The following PAWR variants were observed in gnomAD, a reference collection of about 807,000 sequenced individuals.
PAWR encodes pro-apoptotic WT1 regulator.
In PAWR, 23 loss-of-function variants were observed where a neutral mutation model predicts 32.0. The observed-to-expected ratio is 0.72, with a 90% CI of 0.52 to 1.02. The LOEUF (loss-of-function observed/expected upper bound fraction) is 1.02, where lower values mean the gene tolerates loss of function less well. Among genes scored for constraint, PAWR ranks in the 50% least tolerant of loss-of-function variants. PAWR has a pLI of 0.00. For missense variants in PAWR, 457 were observed against 437.7 expected (o/e 1.04, Z -0.39); for synonymous variants, 226 against 187.1 (o/e 1.21, Z -1.70).
intron 2 of PAWR, among the ~76,000 whole-genome samples, chr12:79,688,095 T>C (rs914404595): frequency 3.9e-5 from 6 of 152,116 alleles, no homozygotes; most frequent in Non-Finnish European, 7.4e-5. Context: ...TTAGACTCCA[T>C]TGTAGTGGGA....
intron 2 of PAWR, among the ~76,000 whole-genome samples, chr12:79,652,483 C>T (rs1405768897): frequency 6.6e-6 from 1 of 152,108 alleles, no homozygotes; most frequent in Non-Finnish European, 1.5e-5. Flanking sequence ...ACTTTTAAAG[C>T]TTTATTGTGA....
In PAWR at chr12:79,613,502, GT is replaced by G. The variant is rs147490574; in HGVS notation, c.683+72del. On this transcript the variant is annotated intron_variant, in intron 4 of 6. Coordinates refer to ENST00000328827, the MANE Select transcript of PAWR (RefSeq NM_002583.4). Reference sequence around the variant, plus strand: ...ACTTTTCAAAAAGCTGCTTTAAATAGTTCTAGTTAAGTCAATGTCAGACAGA... The same window carrying G: ...ACTTTTCAAAAAGCTGCTTTAAATAGTCTAGTTAAGTCAATGTCAGACAGA... The G allele has an allele frequency of 2.4e-4, 178 of 745,820 alleles. 1 individual carries two copies. The East Asian group carries it at 4.7e-3, about 20-fold the overall frequency. The allele number at this position is 745,820 out of a possible 1,614,324, so 46.2% of individuals were successfully genotyped here. A position where few individuals can be genotyped will look rare whatever the true frequency, so the allele number is the denominator to read the frequency against.
rs1213186510 is a variant in PAWR at position 79,608,036 on chromosome 12, C to G, written c.683+5539G>C. On this transcript the variant is annotated intron_variant, in intron 4 of 6. Transcript: ENST00000328827. ...TGCACTCCAGCCTGGGCGACAAGAG[C>G]AAAACTCGGACTCAAAAAAAAAAAA... Among the ~76,000 whole-genome samples, 3 of 131,842 alleles carry G rather than the reference C, an allele frequency of 2.3e-5. No individual in the cohort carries two copies. In the Admixed American group the frequency reaches 2.4e-4, roughly 10 times the overall value. 86.5% of individuals were successfully genotyped at this position (131,842 alleles called of 152,430 possible). A position where few individuals can be genotyped will look rare whatever the true frequency, so the allele number is the denominator to read the frequency against.
At chr12:79,627,964 A>C (rs1257108154) in intron 2 of PAWR, among the ~76,000 whole-genome samples, 3 of 152,186 alleles carry the variant, frequency 2.0e-5, no homozygotes, top group African/African-American at 7.2e-5. Context: ...GACCTAATAG[A>C]CATCTACAGA....
At chr12:79,666,338 A>ATTTCTCTATATAAAATATTC (rs1405550466) in intron 2 of PAWR, among the ~76,000 whole-genome samples, 4 of 152,236 alleles carry the variant, frequency 2.6e-5, no homozygotes, top group Non-Finnish European at 5.9e-5. Context: ...ATGAAAGGAA[A>ATTTCTCTATATAAAATATTC]TTTCTCTATA....
chr12:79,608,386 C>T (rs1435223497), intron 4 of PAWR, among the ~76,000 whole-genome samples: 1 of 152,132 alleles, frequency 6.6e-6, no homozygotes, highest in Non-Finnish European at 1.5e-5. Flanking sequence ...GAGCATGTAA[C>T]CTAGGTCCCT....
rs1873593653 is a variant in PAWR at position 79,592,592 on chromosome 12, T to C, written c.*15A>G. 1 of 753,472 alleles carries C rather than the reference T, an allele frequency of 1.3e-6. No individual in the cohort carries two copies. The highest frequency in any genetic ancestry group is 1.7e-5 in the African/African-American group (1 of 57,214). The allele number at this position is 753,472 out of a possible 1,614,324, so 46.7% of individuals were successfully genotyped here. On this transcript the variant is annotated 3_prime_UTR_variant, in exon 7 of 7. Transcript: ENST00000328827. ...GTAGTTTAAAATATTTTTTCCACATTGAGTCTTGAATCCTCTACCTGGTCA... is the reference window on the plus strand; with the variant it reads ...GTAGTTTAAAATATTTTTTCCACATCGAGTCTTGAATCCTCTACCTGGTCA...
At chr12:79,636,024 G>A (rs980392956) in intron 2 of PAWR, among the ~76,000 whole-genome samples, 2 of 152,104 alleles carry the variant, frequency 1.3e-5, no homozygotes, top group Admixed American at 6.6e-5. Context: ...GCCAATCATA[G>A]TATTTCTTGA....
intron 2 of PAWR, among the ~76,000 whole-genome samples, chr12:79,638,536 C>G (rs1036309957): frequency 5.3e-5 from 8 of 151,918 alleles, no homozygotes; most frequent in Non-Finnish European, 1.0e-4. Context: ...TTTTTACTAT[C>G]TCATTTTTAA....
chr12:79,679,622 C>A (rs146953075), intron 2 of PAWR, among the ~76,000 whole-genome samples: 1,662 of 152,206 alleles, frequency 0.011, 19 homozygotes, highest in African/African-American at 0.038. Context: ...AAAATAAAAT[C>A]CCTGATACGG....
At position 79,690,060 on chromosome 12, in the gene PAWR, G is replaced by C. The variant is rs895520781; in HGVS notation, c.185C>G (p.Ala62Gly). 14 of 1,366,706 alleles carry C rather than the reference G, an allele frequency of 1.0e-5. No individual in the cohort carries two copies. In the Admixed American group the frequency reaches 3.6e-4, roughly 35 times the overall value. The allele number at this position is 1,366,706 out of a possible 1,614,324, so 84.7% of individuals were successfully genotyped here. The change falls in exon 2 of 7, where the codon GCG (alanine) becomes GGG (glycine). Residue 62 changes from alanine (A) to glycine (G), a missense_variant. Transcript: ENST00000328827. ...GTTGAGCTCGTTGGCAGCGGCGGCC[G>C]CCGGGGTGCCCAGAGCCCCCGCGGG... ...KPPAGALGTP[A>G]AAAANELNNN... is the part of the protein sequence containing the mutation.
chr12:79,654,795 C>G (rs186362385), intron 2 of PAWR, among the ~76,000 whole-genome samples: 5 of 152,074 alleles, frequency 3.3e-5, no homozygotes, highest in African/African-American at 7.2e-5. Flanking sequence ...TTCACTATCA[C>G]GAGAACAACA....
In PAWR at chr12:79,660,668, C is replaced by G. The variant is rs536973605; in HGVS notation, c.516+29061G>C. On this transcript the variant is annotated intron_variant, in intron 2 of 6. Transcript: ENST00000328827. ...GCACAATCTTGGCTCACTGCAACCTCTGCCTCCCGGGTTCAAGTGATTCTC... is the reference window on the plus strand; with the variant it reads ...GCACAATCTTGGCTCACTGCAACCTGTGCCTCCCGGGTTCAAGTGATTCTC... Among the ~76,000 whole-genome samples the G allele has an allele frequency of 2.0e-5, 3 of 150,812 alleles. No individual in the cohort carries two copies. The South Asian group carries it at 6.3e-4, about 32-fold the overall frequency.
At chr12:79,683,292 A>AT (rs1232171186) in intron 2 of PAWR, among the ~76,000 whole-genome samples, 2 of 152,240 alleles carry the variant, frequency 1.3e-5, no homozygotes, top group East Asian at 3.8e-4. Context: ...TTTTTATAAC[A>AT]TTTTCACAAA....
At chr12:79,686,788 C>T (rs1441994089) in intron 2 of PAWR, among the ~76,000 whole-genome samples, 3 of 152,296 alleles carry the variant, frequency 2.0e-5, no homozygotes, top group Admixed American at 6.5e-5. Flanking sequence ...ATCATCTCCC[C>T]CTTTTAAACA....
chr12:79,640,171 G>A (rs2136771315), intron 2 of PAWR, among the ~76,000 whole-genome samples: 1 of 152,088 alleles, frequency 6.6e-6, no homozygotes, highest in East Asian at 1.9e-4. Context: ...CCAACATTCT[G>A]GGATTTCAGG....
intron 3 of PAWR, among the ~76,000 whole-genome samples, chr12:79,615,601 C>T (rs1874691395): frequency 6.7e-6 from 1 of 148,704 alleles, no homozygotes; most frequent in South Asian, 2.2e-4. Flanking sequence ...TTCTTATCTG[C>T]TTGTCATTAA....
intron 2 of PAWR, among the ~76,000 whole-genome samples, chr12:79,625,080 C>T (rs78087083): frequency 2.0e-3 from 301 of 152,112 alleles, no homozygotes; most frequent in African/African-American, 7.1e-3. Flanking sequence ...CATACTTTTG[C>T]AGTTTTTGCC....
chr12:79,628,752 T>C (rs961036451), intron 2 of PAWR, among the ~76,000 whole-genome samples: 2 of 152,086 alleles, frequency 1.3e-5, no homozygotes, highest in Non-Finnish European at 2.9e-5. Context: ...TATAAGAAAC[T>C]GTTATTTCTT....
Sources: gnomAD v4.1 joint callset for allele counts (sites outside exome capture counted in the v4.1 genomes callset) on GRCh38, gnomAD v4.1.1 for gene constraint, MANE v1.5 for transcripts, NCBI Gene and HGNC (gene_info 2026-07-23, HGNC 2026-07-21) for gene names.